The following CCSER1 variants were observed in gnomAD, a reference collection of about 807,000 sequenced individuals.
The protein encoded by CCSER1 is coiled-coil serine rich protein 1.
In CCSER1, 41 loss-of-function variants were observed where a neutral mutation model predicts 82.0. The observed-to-expected ratio is 0.50, with a 90% CI of 0.39 to 0.65. The LOEUF (loss-of-function observed/expected upper bound fraction) is 0.65. Among genes scored for constraint, CCSER1 ranks in the 30% least tolerant of loss-of-function variants. CCSER1 has a pLI of 0.00. For missense variants in CCSER1, 1,119 were observed against 1,064.2 expected (o/e 1.05, Z -0.72); for synonymous variants, 414 against 383.9 (o/e 1.08, Z -0.92).
At chr4:91,022,887 T>A (rs1163238651) in intron 9 of CCSER1, among the ~76,000 whole-genome samples, 1 of 152,184 alleles carries the variant, frequency 6.6e-6, no homozygotes, top group African/African-American at 2.4e-5. Context: ...TTTGTTTGAG[T>A]TCATTGTAGA....
At chr4:90,248,699 GA>G (rs1026270544) in intron 1 of CCSER1, among the ~76,000 whole-genome samples, 4 of 148,638 alleles carry the variant, frequency 2.7e-5, no homozygotes, top group African/African-American at 1.0e-4. Context: ...TAGAATTTTA[GA>G]TTTTTTTTTT....
chr4:91,559,031 C>T (rs1190031074), intron 10 of CCSER1, among the ~76,000 whole-genome samples: 1 of 151,566 alleles, frequency 6.6e-6, no homozygotes, highest in Non-Finnish European at 1.5e-5. Flanking sequence ...GTCAACTCCA[C>T]ATTGCTTCCT....
intron 10 of CCSER1, among the ~76,000 whole-genome samples, chr4:91,319,980 C>T (rs1364904310): frequency 6.6e-6 from 1 of 152,026 alleles, no homozygotes; most frequent in African/African-American, 2.4e-5. Flanking sequence ...AAATCCTGAG[C>T]TGTCCTGTTC....
At chr4:91,081,721 G>T (rs561921623) in intron 9 of CCSER1, among the ~76,000 whole-genome samples, 3 of 152,106 alleles carry the variant, frequency 2.0e-5, no homozygotes, top group Non-Finnish European at 4.4e-5. Context: ...AAAGTCTCAG[G>T]ATACAAAATC....
At chr4:91,066,523 G>A (rs1323880104) in intron 9 of CCSER1, among the ~76,000 whole-genome samples, 1 of 152,146 alleles carries the variant, frequency 6.6e-6, no homozygotes, top group Non-Finnish European at 1.5e-5. Flanking sequence ...CCATATCACA[G>A]TAAAAGAATA....
intron 10 of CCSER1, among the ~76,000 whole-genome samples, chr4:91,529,511 T>C (rs974133772): frequency 2.0e-5 from 3 of 152,164 alleles, no homozygotes; most frequent in Admixed American, 6.5e-5. Flanking sequence ...ATTTTCCTTA[T>C]ACTGTCTTCA....
chr4:90,846,417 T>A (rs10009811), intron 8 of CCSER1, among the ~76,000 whole-genome samples: 1 of 152,204 alleles, frequency 6.6e-6, no homozygotes, highest in Non-Finnish European at 1.5e-5. Context: ...TATAGACACC[T>A]GCCCATCATA....
At chr4:90,745,829 A>G (rs910762558) in intron 7 of CCSER1, among the ~76,000 whole-genome samples, 2 of 151,638 alleles carry the variant, frequency 1.3e-5, no homozygotes, top group Admixed American at 6.6e-5. Context: ...AGCTGGGACT[A>G]CAGGCGCCCG....
At chr4:90,701,511 A>T in intron 6 of CCSER1, among the ~76,000 whole-genome samples, 1 of 152,060 alleles carries the variant, frequency 6.6e-6, no homozygotes, top group East Asian at 1.9e-4. Context: ...GTTTTTTCCA[A>T]TTCTGTGAGG....
chr4:91,602,904 G>A lies in CCSER1; in HGVS notation c.*3847G>A, dbSNP rs1179391026. On this transcript the variant is annotated 3_prime_UTR_variant, in exon 11 of 11. Coordinates refer to ENST00000509176, the MANE Select transcript of CCSER1 (RefSeq NM_001145065.2). ...CTATCTAAGACTTGACTTTATTTAG[G>A]CATTATTATCAGATCCTGTTATGTA... 6.6e-6 allele frequency among the ~76,000 whole-genome samples: 1 copy of A among 151,758 alleles called. No homozygotes were observed. Among genetic ancestry groups the A allele is most frequent in the Non-Finnish European group, 1.5e-5 (1 of 67,876 alleles).
At chr4:91,496,631 A>AAT (rs376815582) in intron 10 of CCSER1, among the ~76,000 whole-genome samples, 6,636 of 22,454 alleles carry the variant, frequency 0.3, 2,963 homozygotes, top group Non-Finnish European at 0.49. Context: ...TATATATTTG[A>AAT]ATATATATAT....
rs1038811339 is a variant in CCSER1 at position 90,497,138 on chromosome 4, T to G, written c.1724+28784T>G. Among the ~76,000 whole-genome samples, 3 of 152,254 alleles carry G rather than the reference T, an allele frequency of 2.0e-5. No individual in the cohort carries two copies. In the South Asian group the frequency reaches 6.2e-4, roughly 32 times the overall value. On this transcript the variant is annotated intron_variant, in intron 5 of 10. Transcript: ENST00000509176. ...TCAAAGTAACATTACAAAGTTATAT[T>G]TTATTAAACAACAAACTTTTAACAA...
intron 10 of CCSER1, among the ~76,000 whole-genome samples, chr4:91,519,498 G>A (rs545061179): frequency 7.9e-5 from 12 of 152,242 alleles, no homozygotes; most frequent in East Asian, 5.8e-4. Context: ...CCCCTTCCTC[G>A]GGGCCTATAG....
At chr4:90,694,826 G>T (rs1306535080) in intron 6 of CCSER1, among the ~76,000 whole-genome samples, 1 of 147,656 alleles carries the variant, frequency 6.8e-6, no homozygotes, top group Non-Finnish European at 1.5e-5. Flanking sequence ...GTGTGTGTGT[G>T]TTTTAGTTTA....
intron 10 of CCSER1, among the ~76,000 whole-genome samples, chr4:91,348,237 A>G (rs552464698): frequency 6.6e-6 from 1 of 152,252 alleles, no homozygotes; most frequent in Middle Eastern, 3.4e-3. Flanking sequence ...TTAAAATAAT[A>G]ATATAATTTC....
chr4:90,627,965 G>T, intron 5 of CCSER1, 60 bp from the exon 6 acceptor site: 1 of 1,315,338 alleles, frequency 7.6e-7, no homozygotes, highest in Non-Finnish European at 1.1e-6. Context: ...TAACAACTTG[G>T]GAAATACTGC....
At chr4:90,264,227 G>C (rs1724848221) in intron 1 of CCSER1, among the ~76,000 whole-genome samples, 1 of 152,096 alleles carries the variant, frequency 6.6e-6, no homozygotes, top group Admixed American at 6.5e-5. Context: ...ATTTGTAAAT[G>C]GCTTTGAGTG....
chr4:90,238,227 G>A (rs57438794), intron 1 of CCSER1, among the ~76,000 whole-genome samples: 21,251 of 152,130 alleles, frequency 0.14, 1,781 homozygotes, highest in East Asian at 0.3. Flanking sequence ...TGGGATAATG[G>A]GGAGGTAGGG....
intron 10 of CCSER1, among the ~76,000 whole-genome samples, chr4:91,304,317 G>A (rs1744885833): frequency 6.6e-6 from 1 of 151,980 alleles, no homozygotes; most frequent in East Asian, 1.9e-4. Context: ...ACATTTAAAG[G>A]AAAGGTTTAA....
Sources: gnomAD v4.1 joint callset for allele counts (sites outside exome capture counted in the v4.1 genomes callset) on GRCh38, gnomAD v4.1.1 for gene constraint, MANE v1.5 for transcripts, NCBI Gene and HGNC (gene_info 2026-07-23, HGNC 2026-07-21) for gene names.